The following E2F3 variants were observed in gnomAD, a reference collection of about 807,000 sequenced individuals.
The protein encoded by E2F3 is transcription factor E2F3.
Under a neutral mutation model 44.4 loss-of-function variants are expected in E2F3, and 11 were observed. The ratio of observed to expected loss-of-function variants is 0.25; its 90% CI spans 0.16 to 0.41. E2F3 has a LOEUF of 0.41. Ranked by LOEUF, E2F3 falls within the 10% of genes least tolerant of loss-of-function variation. The pLI is 1.00. For missense variants in E2F3, 487 were observed against 583.6 expected (o/e 0.83, Z 1.70); for synonymous variants, 249 against 253.0 (o/e 0.98, Z 0.15).
chr6:20,447,596 C>T (rs543901041), intron 1 of E2F3, among the ~76,000 whole-genome samples: 1 of 151,766 alleles, frequency 6.6e-6, no homozygotes, highest in Non-Finnish European at 1.5e-5. Flanking sequence ...GGGTAAGGGC[C>T]GAGATGAAGC....
At chr6:20,409,928 G>T (rs1759616366) in intron 1 of E2F3, among the ~76,000 whole-genome samples, 1 of 152,214 alleles carries the variant, frequency 6.6e-6, no homozygotes, top group African/African-American at 2.4e-5. Flanking sequence ...ACCAACTGAT[G>T]AGAGTAGTAA....
At chr6:20,417,207 G>A (rs879668972) in intron 1 of E2F3, among the ~76,000 whole-genome samples, 2 of 152,150 alleles carry the variant, frequency 1.3e-5, no homozygotes, top group Non-Finnish European at 2.9e-5. Context: ...CTGGTAATTT[G>A]GGTATTTAAA....
At chr6:20,486,147 T>G (rs1385592091) in intron 4 of E2F3, among the ~76,000 whole-genome samples, 1 of 152,234 alleles carries the variant, frequency 6.6e-6, no homozygotes, top group Admixed American at 6.5e-5. Context: ...GTTTAATATT[T>G]TAAATAGCCA....
At chr6:20,467,418 C>G (rs964357332) in intron 1 of E2F3, among the ~76,000 whole-genome samples, 5 of 152,184 alleles carry the variant, frequency 3.3e-5, no homozygotes, top group African/African-American at 2.4e-5. Flanking sequence ...CTAAATTACT[C>G]TCACAGTGCA....
At chr6:20,403,397 C>T (rs528651623) in intron 1 of E2F3, among the ~76,000 whole-genome samples, 4 of 152,190 alleles carry the variant, frequency 2.6e-5, no homozygotes, top group Non-Finnish European at 5.9e-5. Flanking sequence ...GCCCTTGACC[C>T]GCCTCTCCCC....
intron 1 of E2F3, among the ~76,000 whole-genome samples, chr6:20,447,833 C>T (rs1182969224): frequency 1.3e-5 from 2 of 152,104 alleles, no homozygotes; most frequent in Admixed American, 6.6e-5. Context: ...ACCAGGAGCT[C>T]CAGTTCATGT....
At position 20,402,668 on chromosome 6, in the gene E2F3, T is replaced by C. The variant is rs989070752; in HGVS notation, c.393+43T>C. On this transcript the variant is annotated intron_variant, in intron 1 of 6. Coordinates refer to ENST00000346618, the MANE Select transcript of E2F3 (RefSeq NM_001949.5). This position sits in a 1 kb window ranked among gnomAD's most constrained non-coding sequence, Gnocchi z 5.6. Reference sequence around the variant, plus strand: ...CACCGTCCCCAGCCCCGGCGGGAGGTGGGCTCGCACCGCGCGGGGTCGTGG... The same window carrying C: ...CACCGTCCCCAGCCCCGGCGGGAGGCGGGCTCGCACCGCGCGGGGTCGTGG... The C allele has an allele frequency of 5.4e-6, 7 of 1,303,690 alleles. No homozygotes were observed. The highest frequency in any genetic ancestry group is 8.5e-5 in the Admixed American group (2 of 23,636). 80.8% of individuals were successfully genotyped at this position (1,303,690 alleles called of 1,614,324 possible).
intron 1 of E2F3, among the ~76,000 whole-genome samples, chr6:20,415,071 C>T (rs1759800663): frequency 6.6e-6 from 1 of 152,176 alleles, no homozygotes; most frequent in African/African-American, 2.4e-5. Flanking sequence ...AATCTGAACT[C>T]TCGGCATTTT....
intron 1 of E2F3, among the ~76,000 whole-genome samples, chr6:20,440,435 G>T (rs1020974949): frequency 6.6e-6 from 1 of 152,160 alleles, no homozygotes; most frequent in Admixed American, 6.5e-5. Context: ...TGTATTCATT[G>T]GTCCAAAGAA....
chr6:20,424,640 A>AT (rs977780442), intron 1 of E2F3, among the ~76,000 whole-genome samples: 1 of 151,236 alleles, frequency 6.6e-6, no homozygotes, highest in Non-Finnish European at 1.5e-5. Context: ...GCTTACTTGC[A>AT]TTTTTACAAA....
Position 20,473,157 on chromosome 6 carries a change from G to A in E2F3, c.394-6689G>A, listed in dbSNP as rs149969240. ...CTTTCCATTTATACTCATTTATGCT[G>A]CTTAAATTACCATATACATTTATTA... On this transcript the variant is annotated intron_variant, in intron 1 of 6. Transcript: ENST00000346618. Among the ~76,000 whole-genome samples the A allele has an allele frequency of 3.3e-4, 51 of 152,266 alleles. 1 individual carries two copies. In the East Asian group the frequency reaches 9.6e-3, roughly 29 times the overall value.
At chr6:20,464,267 A>C (rs1761627263) in intron 1 of E2F3, among the ~76,000 whole-genome samples, 1 of 152,224 alleles carries the variant, frequency 6.6e-6, no homozygotes, top group Admixed American at 6.5e-5. Flanking sequence ...AATGCATCAT[A>C]AACACAGCAG....
chr6:20,464,289 T>C (rs1761628016), intron 1 of E2F3, among the ~76,000 whole-genome samples: 1 of 152,198 alleles, frequency 6.6e-6, no homozygotes, highest in Admixed American at 6.5e-5. Context: ...TCTTTGTCAG[T>C]CAATCAGAGA....
chr6:20,474,207 G>T (rs1401716911), intron 1 of E2F3, among the ~76,000 whole-genome samples: 1 of 152,032 alleles, frequency 6.6e-6, no homozygotes, highest in African/African-American at 2.4e-5. Flanking sequence ...AAGTACCTGG[G>T]ACTACAGGCG....
At chr6:20,408,800 C>T (rs1236587735) in intron 1 of E2F3, among the ~76,000 whole-genome samples, 2 of 152,214 alleles carry the variant, frequency 1.3e-5, no homozygotes, top group East Asian at 1.9e-4. Flanking sequence ...CTTTAGTCTG[C>T]TTTCCATTAC....
At chr6:20,462,821 A>G (rs900536154) in intron 1 of E2F3, among the ~76,000 whole-genome samples, 2 of 113,494 alleles carry the variant, frequency 1.8e-5, no homozygotes, top group Admixed American at 9.1e-5. Context: ...AGGTCTCTCT[A>G]TCTTGTTCTT....
rs1028632619 is a variant in E2F3 at position 20,490,537 on chromosome 6, A to G, written c.*107A>G. 1 of 1,145,394 alleles carries G rather than the reference A, an allele frequency of 8.7e-7. No homozygotes were observed. The highest frequency in any genetic ancestry group is 1.2e-6 in the Non-Finnish European group (1 of 844,230). The allele number at this position is 1,145,394 out of a possible 1,614,324, so 71.0% of individuals were successfully genotyped here. ...TCCTACCTTCTTCCTCCAAGAGAGT[A>G]TCATGAAGTAAACTACAAACTTCAG... is the stretch of plus-strand genomic sequence containing the variant. On this transcript the variant is annotated 3_prime_UTR_variant, in exon 7 of 7. Coordinates refer to ENST00000346618, the MANE Select transcript of E2F3 (RefSeq NM_001949.5). The surrounding 1 kb of genome is among the most constrained non-coding windows in gnomAD (Gnocchi z 4.3).
intron 1 of E2F3, among the ~76,000 whole-genome samples, chr6:20,472,274 A>G (rs955675726): frequency 1.3e-5 from 2 of 152,154 alleles, no homozygotes; most frequent in African/African-American, 4.8e-5. Flanking sequence ...TGCATTTGTC[A>G]TGGTGGTAAA....
chr6:20,464,677 A>C (rs1420982727), intron 1 of E2F3, among the ~76,000 whole-genome samples: 1 of 152,232 alleles, frequency 6.6e-6, no homozygotes, highest in Non-Finnish European at 1.5e-5. Context: ...GTGGATTTGC[A>C]TGCCTTCTGT....
Sources: gnomAD v4.1 joint callset for allele counts (sites outside exome capture counted in the v4.1 genomes callset) on GRCh38, gnomAD v4.1.1 for gene constraint, Gnocchi (gnomAD v3.1) non-coding constraint, MANE v1.5 for transcripts, NCBI Gene and HGNC (gene_info 2026-07-23, HGNC 2026-07-21) for gene names.